The following FUT8 variants were observed in gnomAD, a reference collection of about 807,000 sequenced individuals.
FUT8 encodes fucosyltransferase 8.
Under a neutral mutation model 71.3 loss-of-function variants are expected in FUT8, and 29 were observed. That is an observed-to-expected ratio of 0.41 (90% CI 0.30 to 0.55). The LOEUF is 0.55. Among genes scored for constraint, FUT8 ranks in the 20% least tolerant of loss-of-function variants. The probability of loss-of-function intolerance (pLI) is 0.34; values close to 1 mark genes in which losing one functional copy is unlikely to be tolerated. For synonymous variants in FUT8, 254 were observed against 239.3 expected, an observed-to-expected ratio of 1.06 and a Z score of -0.57; for missense variants, 544 against 702.1, an observed-to-expected ratio of 0.77 and a Z score of 2.55.
chr14:65,647,513 G>T (rs571992368), intron 6 of FUT8, among the ~76,000 whole-genome samples: 1 of 152,282 alleles, frequency 6.6e-6, no homozygotes, highest in African/African-American at 2.4e-5. Context: ...AATAGTGATA[G>T]AATGTAGAAT....
chr14:65,721,617 T>C (rs779285705), intron 7 of FUT8, among the ~76,000 whole-genome samples, 158 bp from the exon 8 acceptor site: 10 of 152,168 alleles, frequency 6.6e-5, no homozygotes, highest in Non-Finnish European at 1.3e-4. Context: ...ACTTTTGCTC[T>C]GGTATTTCGA....
chr14:65,528,289 G>A (rs1048613693), intron 2 of FUT8, among the ~76,000 whole-genome samples: 5 of 152,166 alleles, frequency 3.3e-5, no homozygotes, highest in African/African-American at 9.7e-5. Flanking sequence ...CTTGCAGTTC[G>A]ATCTCAGACT....
At chr14:65,412,707 A>G (rs1176795455), upstream of FUT8, 1 of 177,762 alleles carries the variant, frequency 5.6e-6, no homozygotes, top group Non-Finnish European at 1.2e-5. Flanking sequence ...AGAAGCCAGG[A>G]ACGCCGAGGG....
intron 2 of FUT8, among the ~76,000 whole-genome samples, chr14:65,470,408 C>T (rs957706070): frequency 1.3e-5 from 2 of 152,160 alleles, no homozygotes; most frequent in African/African-American, 4.8e-5. Flanking sequence ...GGGTCTACCA[C>T]CCAGGCTTGG....
chr14:65,446,115 A>T (rs749412546), intron 1 of FUT8, among the ~76,000 whole-genome samples: 13 of 152,220 alleles, frequency 8.5e-5, no homozygotes, highest in Non-Finnish European at 1.6e-4. Context: ...ATATATGTAT[A>T]TTTTGAATTT....
chr14:65,551,610 A>G (rs765860830), intron 2 of FUT8, among the ~76,000 whole-genome samples: 2 of 152,182 alleles, frequency 1.3e-5, no homozygotes, highest in Non-Finnish European at 2.9e-5. Context: ...GCAGATGATG[A>G]ATAGGTTTAT....
intron 2 of FUT8, among the ~76,000 whole-genome samples, chr14:65,473,637 G>T (rs2066183202): frequency 6.6e-6 from 1 of 152,130 alleles, no homozygotes; most frequent in African/African-American, 2.4e-5. Flanking sequence ...AATATGTTGT[G>T]TTTAATTCTT....
the FUT8 span, among the ~76,000 whole-genome samples, chr14:65,393,588 A>C: frequency 6.6e-6 from 1 of 152,218 alleles, no homozygotes. Flanking sequence ...GTGTTAATCC[A>C]TGAAGCCACG....
In FUT8 at chr14:65,676,246, G is replaced by A. The variant is rs182108157; in HGVS notation, c.835+6766G>A. 5.9e-5 allele frequency among the ~76,000 whole-genome samples: 9 copies of A among 152,254 alleles called. No homozygotes were observed. In the East Asian group the frequency reaches 9.7e-4, roughly 16 times the overall value. ...CGTGTGACTTAGGAAAAAGCAATACGTATTTAGCATCCACCTCACTATGGA... is the reference window on the plus strand; with the variant it reads ...CGTGTGACTTAGGAAAAAGCAATACATATTTAGCATCCACCTCACTATGGA... On this transcript the variant is annotated intron_variant, in intron 7 of 10. Coordinates refer to ENST00000673929, the MANE Select transcript of FUT8 (RefSeq NM_001371533.1).
intron 2 of FUT8, among the ~76,000 whole-genome samples, chr14:65,553,231 A>G (rs1407487734): frequency 6.6e-6 from 1 of 152,148 alleles, no homozygotes; most frequent in Non-Finnish European, 1.5e-5. Context: ...GTAGCTCTGG[A>G]TCTTTATATA....
intron 1 of FUT8, among the ~76,000 whole-genome samples, chr14:65,450,511 A>G (rs2065805618): frequency 6.6e-6 from 1 of 152,194 alleles, no homozygotes; most frequent in Non-Finnish European, 1.5e-5. Context: ...ACTAACGATA[A>G]GCAAGTATAG....
chr14:65,390,156 T>C, the FUT8 span, among the ~76,000 whole-genome samples: 49 of 149,490 alleles, frequency 3.3e-4, no homozygotes, highest in African/African-American at 1.2e-3. Flanking sequence ...AAAAAGAAAA[T>C]AAAAAATAAA....
At chr14:65,542,518 G>T (rs1884734609) in intron 2 of FUT8, among the ~76,000 whole-genome samples, 1 of 152,052 alleles carries the variant, frequency 6.6e-6, no homozygotes, top group African/African-American at 2.4e-5. Context: ...CACTAATCTG[G>T]CCTATGTGTT....
chr14:65,597,923 C>T (rs1159129463), intron 3 of FUT8, among the ~76,000 whole-genome samples: 1 of 152,030 alleles, frequency 6.6e-6, no homozygotes, highest in Non-Finnish European at 1.5e-5. Context: ...AATCCCAGCA[C>T]TTTGGGAGGC....
At chr14:65,596,881 C>T (rs558615349) in intron 3 of FUT8, among the ~76,000 whole-genome samples, 117 of 152,278 alleles carry the variant, frequency 7.7e-4, no homozygotes, top group African/African-American at 2.7e-3. Context: ...CTGTAGACAT[C>T]CTAGTTAGCT....
At chr14:65,450,101 T>G (rs2065799797) in intron 1 of FUT8, among the ~76,000 whole-genome samples, 1 of 152,182 alleles carries the variant, frequency 6.6e-6, no homozygotes, top group East Asian at 1.9e-4. Flanking sequence ...TGTGGTTTCC[T>G]TTTTTAGAAC....
chr14:65,602,231 G>C (rs57451368), intron 3 of FUT8, among the ~76,000 whole-genome samples: 20,693 of 147,660 alleles, frequency 0.14, 1,966 homozygotes, highest in East Asian at 0.42. Flanking sequence ...TAGGATGTTT[G>C]GTTTTCCATT....
intron 5 of FUT8, among the ~76,000 whole-genome samples, chr14:65,620,662 A>C (rs1018027435): frequency 6.6e-6 from 1 of 152,158 alleles, no homozygotes; most frequent in African/African-American, 2.4e-5. Flanking sequence ...GTTTTATTTC[A>C]TATACACAAA....
the FUT8 span, among the ~76,000 whole-genome samples, chr14:65,404,631 C>T: frequency 6.6e-6 from 1 of 152,176 alleles, no homozygotes; most frequent in African/African-American, 2.4e-5. Flanking sequence ...TGTGCCACCA[C>T]ACCCAGCTAA....
Sources: allele counts gnomAD v4.1 joint callset (sites outside exome capture counted in the v4.1 genomes callset), GRCh38; gene constraint gnomAD v4.1.1; transcripts MANE v1.5; gene names NCBI Gene and HGNC (gene_info 2026-07-23, HGNC 2026-07-21).